Variants in KAZN observed in about 807,000 individuals in gnomAD.
The protein encoded by KAZN is kazrin, periplakin interacting protein.
KAZN carries 40 observed loss-of-function variants against 87.4 expected under a neutral mutation model. The observed-to-expected ratio is 0.46, with a 90% CI of 0.36 to 0.60. The LOEUF is 0.60. KAZN is among the 20% of genes least tolerant of loss of function. The pLI is 0.00. For synonymous variants in KAZN, 466 were observed against 458.3 expected (o/e 1.02, Z -0.22); for missense variants, 898 against 1,073.9 (o/e 0.84, Z 2.29).
chr1:14,504,007 G>T (rs1001449926), intron 2 of KAZN, among the ~76,000 whole-genome samples: 6 of 152,156 alleles, frequency 3.9e-5, no homozygotes, highest in Admixed American at 1.3e-4. Context: ...TCACTCTCAA[G>T]GTTGCACAGG....
chr1:13,963,012 T>C (rs1397871517), intron 1 of KAZN, among the ~76,000 whole-genome samples: 2 of 152,032 alleles, frequency 1.3e-5, no homozygotes, highest in African/African-American at 4.8e-5. Flanking sequence ...AAGAGACAAA[T>C]TGGGGCCAGT....
intron 2 of KAZN, among the ~76,000 whole-genome samples, chr1:14,326,455 G>A (rs1322217515): frequency 6.6e-6 from 1 of 152,134 alleles, no homozygotes; most frequent in Non-Finnish European, 1.5e-5. Flanking sequence ...GATTGCACTG[G>A]GTTGCCCCCA....
At chr1:14,936,808 C>A (rs1053540890) in intron 1 of KAZN, among the ~76,000 whole-genome samples, 2 of 152,174 alleles carry the variant, frequency 1.3e-5, no homozygotes, top group Admixed American at 6.5e-5. Flanking sequence ...TCCCCAGATG[C>A]GACAAGCCTC....
At chr1:14,578,565 G>A (rs1675338140) in intron 2 of KAZN, among the ~76,000 whole-genome samples, 1 of 152,130 alleles carries the variant, frequency 6.6e-6, no homozygotes, top group Admixed American at 6.5e-5. Flanking sequence ...TTTAGATTCT[G>A]GGTGATTATT....
intron 2 of KAZN, among the ~76,000 whole-genome samples, chr1:14,588,457 G>A (rs140638822): frequency 5.7e-4 from 87 of 152,356 alleles, no homozygotes; most frequent in African/African-American, 2.0e-3. Flanking sequence ...CCCTCTGAGT[G>A]AGGAAGGTGG....
chr1:14,198,724 G>T (rs1277518062), intron 2 of KAZN, among the ~76,000 whole-genome samples: 1 of 152,196 alleles, frequency 6.6e-6, no homozygotes, highest in African/African-American at 2.4e-5. Flanking sequence ...ATGAAAGTGA[G>T]TATTGAGAAC....
At chr1:13,904,987 G>T (rs1396247914) in intron 1 of KAZN, among the ~76,000 whole-genome samples, 2 of 151,900 alleles carry the variant, frequency 1.3e-5, no homozygotes, top group Non-Finnish European at 2.9e-5. Context: ...CTATCTTCTG[G>T]TTCATTAATT....
chr1:14,465,215 T>C (rs796503365), intron 2 of KAZN, among the ~76,000 whole-genome samples: 2 of 151,592 alleles, frequency 1.3e-5, no homozygotes, highest in African/African-American at 2.4e-5. Flanking sequence ...CTGGCTAACA[T>C]GGTGAAACCC....
rs1043660284 is a variant in KAZN, at chr1:14,578,146, A to G, written c.250-20837A>G. 5.3e-5 allele frequency among the ~76,000 whole-genome samples: 8 copies of G among 152,148 alleles called. 1 individual carries two copies. On this transcript the variant is annotated intron_variant, in intron 2 of 16. Coordinates refer to the KAZN transcript ENST00000636203. Reference sequence around the variant, plus strand: ...ATAATCCAAGTTTGCTATTATTCGTATAGAATATCGGGTCATATCCAAAAT... The same window carrying G: ...ATAATCCAAGTTTGCTATTATTCGTGTAGAATATCGGGTCATATCCAAAAT...
chr1:13,932,008 A>ATTTTTTT (rs35231877), intron 1 of KAZN, among the ~76,000 whole-genome samples: 2 of 122,918 alleles, frequency 1.6e-5, no homozygotes, highest in African/African-American at 3.1e-5. Flanking sequence ...GGCTTGGCTA[A>ATTTTTTT]TTTTTTTTTT....
rs1186833246 is a variant in KAZN, at chr1:14,473,610, G to A, written c.250-125373G>A. On this transcript the variant is annotated intron_variant, in intron 2 of 16. Transcript: ENST00000636203. Reference sequence around the variant, plus strand: ...CACAAGATCGCGCCACTGCACTCCAGCCTTGGGACAGAGAGAGACTCTGTC... The same window carrying A: ...CACAAGATCGCGCCACTGCACTCCAACCTTGGGACAGAGAGAGACTCTGTC... 3.4e-5 allele frequency among the ~76,000 whole-genome samples: 5 copies of A among 148,284 alleles called. No homozygotes were observed. The East Asian group carries it at 9.9e-4, about 29-fold the overall frequency.
chr1:14,539,551 T>G (rs1672691084), intron 2 of KAZN, among the ~76,000 whole-genome samples: 1 of 152,194 alleles, frequency 6.6e-6, no homozygotes, highest in African/African-American at 2.4e-5. Flanking sequence ...GCAACTTTTC[T>G]GTAACTCTAA....
chr1:14,817,746 C>A (rs547592036), intron 1 of KAZN, among the ~76,000 whole-genome samples: 1 of 151,496 alleles, frequency 6.6e-6, no homozygotes, highest in Non-Finnish European at 1.5e-5. Flanking sequence ...TGGCACCTCC[C>A]TTTTTGAGCA....
upstream of KAZN, among the ~76,000 whole-genome samples, chr1:14,596,726 T>C (rs1676533819): frequency 6.6e-6 from 1 of 152,258 alleles, no homozygotes; most frequent in African/African-American, 2.4e-5. Context: ...GTCGGGCTTC[T>C]TTCAACTAAC....
chr1:14,655,696 G>A (rs891108685), intron 1 of KAZN, among the ~76,000 whole-genome samples: 1 of 152,208 alleles, frequency 6.6e-6, no homozygotes, highest in African/African-American at 2.4e-5. Flanking sequence ...GTGGTACAGA[G>A]CTGTTTTCCA....
intron 2 of KAZN, among the ~76,000 whole-genome samples, chr1:14,384,808 T>C (rs1344905280): frequency 6.6e-6 from 1 of 151,936 alleles, no homozygotes; most frequent in African/African-American, 2.4e-5. Flanking sequence ...CCGGCTTTGG[T>C]ATCAGGATGA....
intron 1 of KAZN, among the ~76,000 whole-genome samples, chr1:13,954,724 T>C (rs1403855210): frequency 3.3e-5 from 5 of 152,232 alleles, no homozygotes; most frequent in African/African-American, 1.2e-4. Context: ...CCAGCTCTTA[T>C]GCACTACCTC....
At chr1:14,418,533 A>G (rs1235767053) in intron 2 of KAZN, among the ~76,000 whole-genome samples, 1 of 152,206 alleles carries the variant, frequency 6.6e-6, no homozygotes. Context: ...AAGGAAAAGA[A>G]TATTGAAAAT....
intron 2 of KAZN, among the ~76,000 whole-genome samples, chr1:14,321,172 G>T (rs16853931): frequency 1.3e-5 from 2 of 152,074 alleles, no homozygotes; most frequent in African/African-American, 4.8e-5. Context: ...AGTGTATATC[G>T]TGGCTTACAA....
Sources: allele counts gnomAD v4.1 joint callset (sites outside exome capture counted in the v4.1 genomes callset), GRCh38; gene constraint gnomAD v4.1.1; transcripts MANE v1.5; gene names NCBI Gene and HGNC (gene_info 2026-07-23, HGNC 2026-07-21).